C12orf50: variants seen among roughly 807,000 people sequenced by gnomAD.
C12orf50 encodes zinc finger CCCH-type containing 11D.
A neutral mutation model predicts 61.6 loss-of-function variants in C12orf50; 35 were observed. The ratio of observed to expected loss-of-function variants is 0.57; its 90% CI spans 0.43 to 0.75. The LOEUF is 0.75. Among genes scored for constraint, C12orf50 ranks in the 30% least tolerant of loss-of-function variants. The pLI is 0.00. For missense variants in C12orf50, 475 were observed against 488.5 expected (o/e 0.97, Z 0.26); for synonymous variants, 178 against 161.5 (o/e 1.10, Z -0.77).
chr12:87,993,219 TTAA>T, intron 7 of C12orf50, among the ~76,000 whole-genome samples: 1 of 152,190 alleles, frequency 6.6e-6, no homozygotes, highest in East Asian at 1.9e-4. Context: ...TAATATATTA[TTAA>T]TGTTACAACG....
chr12:88,027,112 A>C, intron 1 of C12orf50, 42 bp from the exon 2 acceptor site: 1 of 1,537,948 alleles, frequency 6.5e-7, no homozygotes, highest in Non-Finnish European at 8.7e-7. Flanking sequence ...CAATATGTTG[A>C]CATTAGTGTT....
At chr12:88,023,837 C>A (rs2032608236) in intron 3 of C12orf50, among the ~76,000 whole-genome samples, 2 of 151,900 alleles carry the variant, frequency 1.3e-5, no homozygotes, top group South Asian at 4.2e-4. Context: ...AAAGAAACTA[C>A]CAACAGAGTA....
At chr12:87,994,153 T>G (rs1466408762) in intron 7 of C12orf50, among the ~76,000 whole-genome samples, 1 of 151,928 alleles carries the variant, frequency 6.6e-6, no homozygotes, top group Non-Finnish European at 1.5e-5. Context: ...TGAGCCGAGA[T>G]CGCACCACTG....
At chr12:88,019,785 G>C (rs977832287) in intron 3 of C12orf50, among the ~76,000 whole-genome samples, 2 of 152,084 alleles carry the variant, frequency 1.3e-5, no homozygotes, top group Admixed American at 6.5e-5. Flanking sequence ...AAAGACAGCT[G>C]GAGAGAAGGG....
chr12:88,019,082 G>A (rs571473584), intron 3 of C12orf50, among the ~76,000 whole-genome samples: 1 of 152,268 alleles, frequency 6.6e-6, no homozygotes, highest in South Asian at 2.1e-4. Context: ...AGGGGCCAGG[G>A]ATGGAATGAT....
chr12:87,991,177 G>A (rs2031104798), intron 7 of C12orf50, among the ~76,000 whole-genome samples: 1 of 152,112 alleles, frequency 6.6e-6, no homozygotes, highest in African/African-American at 2.4e-5. Context: ...CAGAATCAAG[G>A]TGGTCTGCTG....
At chr12:87,999,355 G>C (rs1199902506) in intron 3 of C12orf50, among the ~76,000 whole-genome samples, 4 of 152,084 alleles carry the variant, frequency 2.6e-5, no homozygotes, top group Non-Finnish European at 4.4e-5. Context: ...AGCCTGAGAG[G>C]TTAAGGCTGC....
rs549844229 is a variant in C12orf50 at position 87,980,113 on chromosome 12, A to G, written c.*218T>C. 7.3e-6 allele frequency: 4 copies of G among 548,108 alleles called. No individual in the cohort carries two copies. In the South Asian group the frequency reaches 8.2e-5, roughly 11 times the overall value. 34.0% of individuals were successfully genotyped at this position (548,108 alleles called of 1,614,324 possible). On this transcript the variant is annotated 3_prime_UTR_variant, in exon 13 of 13. Transcript: ENST00000298699. ...ATGAATTCCAGACCTACATAAATAC[A>G]CTGGCAGCTGTTGGTAATTTGCATT...
At chr12:88,000,441 G>A (rs994495762) in intron 3 of C12orf50, among the ~76,000 whole-genome samples, 1 of 151,850 alleles carries the variant, frequency 6.6e-6, no homozygotes, top group Non-Finnish European at 1.5e-5. Context: ...CTTCAGTTTT[G>A]TAGTAACTTG....
intron 3 of C12orf50, among the ~76,000 whole-genome samples, chr12:88,012,420 A>G (rs1217216197): frequency 6.6e-6 from 1 of 152,208 alleles, no homozygotes; most frequent in African/African-American, 2.4e-5. Flanking sequence ...ATAACTAAAC[A>G]AATTGTTTTC....
At chr12:88,001,231 T>G (rs1016013408) in intron 3 of C12orf50, among the ~76,000 whole-genome samples, 4 of 151,680 alleles carry the variant, frequency 2.6e-5, no homozygotes, top group Admixed American at 6.6e-5. Flanking sequence ...TTATCAACTG[T>G]TTTTTATTCA....
chr12:88,028,954 T>C (rs749496150), intron 1 of C12orf50: 167 of 414,092 alleles, frequency 4.0e-4, no homozygotes, highest in Non-Finnish European at 5.3e-4. Context: ...ATATAAGATA[T>C]CTTGCAAGAA....
intron 3 of C12orf50, among the ~76,000 whole-genome samples, chr12:88,021,301 CAAA>C (rs71082421): frequency 5.5e-5 from 8 of 145,360 alleles, no homozygotes; most frequent in South Asian, 4.3e-4. Flanking sequence ...CTAATAAAGA[CAAA>C]AAAAAAAAAA....
rs1433559584 is a variant in C12orf50 at position 88,009,791 on chromosome 12, ATAT to A, written c.134-11604_134-11602del. On this transcript the variant is annotated intron_variant, in intron 3 of 12. Transcript: ENST00000298699. ...AGTCACATAAGCACACATGCTGCAA[ATAT>A]TATCTTATTTGGTGGTTTATCTTTT... Among the ~76,000 whole-genome samples the A allele has an allele frequency of 7.9e-5, 12 of 152,038 alleles. 1 individual carries two copies.
At chr12:88,022,472 C>G (rs2032552278) in intron 3 of C12orf50, among the ~76,000 whole-genome samples, 1 of 152,112 alleles carries the variant, frequency 6.6e-6, no homozygotes, top group Non-Finnish European at 1.5e-5. Flanking sequence ...GTCACCACTC[C>G]TACTCACCAT....
chr12:88,020,772 C>T (rs2032486500), intron 3 of C12orf50, among the ~76,000 whole-genome samples: 1 of 151,840 alleles, frequency 6.6e-6, no homozygotes, highest in Admixed American at 6.6e-5. Context: ...CCAAAACTGA[C>T]CATACATTTG....
At chr12:88,028,163 T>C (rs368604791) in intron 1 of C12orf50, among the ~76,000 whole-genome samples, 1 of 152,228 alleles carries the variant, frequency 6.6e-6, no homozygotes, top group East Asian at 1.9e-4. Flanking sequence ...TACTGGTAAC[T>C]TACTCATTAG....
intron 3 of C12orf50, among the ~76,000 whole-genome samples, chr12:88,012,978 CA>C: frequency 1.3e-5 from 2 of 152,104 alleles, no homozygotes; most frequent in African/African-American, 4.8e-5. Flanking sequence ...GTGAGAGGAT[CA>C]CTTGGGCCCA....
chr12:88,018,652 C>G (rs2032400372), intron 3 of C12orf50, among the ~76,000 whole-genome samples: 1 of 152,194 alleles, frequency 6.6e-6, no homozygotes, highest in Non-Finnish European at 1.5e-5. Flanking sequence ...TGAAAGCAGC[C>G]AGGAGCAGGG....
Sources: allele counts gnomAD v4.1 joint callset (sites outside exome capture counted in the v4.1 genomes callset), GRCh38; gene constraint gnomAD v4.1.1; transcripts MANE v1.5; gene names NCBI Gene and HGNC (gene_info 2026-07-23, HGNC 2026-07-21).